Variants in TEX14 observed in about 807,000 individuals in gnomAD.
The protein encoded by TEX14 is inactive serine/threonine-protein kinase TEX14.
TEX14 carries 168 observed loss-of-function variants against 178.6 expected under a neutral mutation model. The observed-to-expected ratio is 0.94, with a 90% CI of 0.83 to 1.07. The LOEUF is 1.07. Ranked by LOEUF, TEX14 falls within the 50% of genes least tolerant of loss-of-function variation. The probability of loss-of-function intolerance (pLI) is 0.00; values close to 1 mark genes in which losing one functional copy is unlikely to be tolerated. For synonymous variants in TEX14, 626 were observed against 634.1 expected (o/e 0.99, Z 0.19); for missense variants, 1,730 against 1,753.6 (o/e 0.99, Z 0.24).
chr17:58,572,419 T>G (rs192239107), intron 23 of TEX14, among the ~76,000 whole-genome samples: 2 of 152,170 alleles, frequency 1.3e-5, no homozygotes, highest in South Asian at 2.1e-4. Flanking sequence ...GATCACGAGG[T>G]CAGGAGATCA....
chr17:58,689,271 G>C (rs963875214), intron 1 of TEX14, among the ~76,000 whole-genome samples: 2 of 151,154 alleles, frequency 1.3e-5, no homozygotes, highest in African/African-American at 2.4e-5. Context: ...TTCCAGGCTA[G>C]AGTGCAGTGG....
intron 2 of TEX14, among the ~76,000 whole-genome samples, chr17:58,642,751 A>G (rs1384651790): frequency 6.6e-6 from 1 of 151,996 alleles, no homozygotes; most frequent in Non-Finnish European, 1.5e-5. Context: ...TCCATTCTCT[A>G]GTCCTCCAAT....
chr17:58,579,620 T>G (rs745868788), intron 20 of TEX14, 45 bp downstream of exon 20: 2 of 1,516,616 alleles, frequency 1.3e-6, no homozygotes, highest in Non-Finnish European at 9.2e-7. Flanking sequence ...CAGAAGAAAT[T>G]TAAGGGAAGT....
chr17:58,677,119 CAAAAAA>C (rs35953337), intron 1 of TEX14, among the ~76,000 whole-genome samples: 37 of 78,624 alleles, frequency 4.7e-4, no homozygotes, highest in African/African-American at 1.7e-3. Context: ...AACTCCGTCT[CAAAAAA>C]AAAAAAAAAA....
In TEX14 at chr17:58,588,033, A is replaced by C; in HGVS notation, c.2577-12T>G. On this transcript the variant is annotated splice_polypyrimidine_tract_variant and intron_variant, in intron 15 of 31. Coordinates refer to ENST00000349033, the MANE Select transcript of TEX14 (RefSeq NM_031272.5). ...TAGGTCTTCCCTGGCTAAGAAATGA[A>C]AGGACTGAGCTATAAGATCTCTAAG... 1 of 941,116 alleles carries C rather than the reference A, an allele frequency of 1.1e-6. No individual in the cohort carries two copies. Among genetic ancestry groups the C allele is most frequent in the Non-Finnish European group, 1.8e-6 (1 of 566,510 alleles). The allele number at this position is 941,116 out of a possible 1,614,324, so 58.3% of individuals were successfully genotyped here.
In TEX14 at chr17:58,572,122, G is replaced by T. The variant is rs753716897; in HGVS notation, c.3516C>A (p.Ser1172=). The T allele has an allele frequency of 1.9e-6, 3 of 1,602,620 alleles. No individual in the cohort carries two copies. The Admixed American group carries it at 5.0e-5, about 27-fold the overall frequency. The part of the protein sequence containing the change: ...TSVSTPLSPG[S]VSSAASQYKD... ...TATACTGACTGGCAGCTGAAGAAAC[G>T]GACCCTGTTGGAGAAAAGCGGAAGG... The change falls in exon 24 of 32, where the codon TCC becomes TCA. Residue 1172 remains serine (S), a synonymous_variant. Coordinates refer to ENST00000349033, the MANE Select transcript of TEX14 (RefSeq NM_031272.5).
intron 15 of TEX14, among the ~76,000 whole-genome samples, chr17:58,592,973 AATAC>A (rs1413983539): frequency 6.6e-6 from 1 of 152,162 alleles, no homozygotes; most frequent in Non-Finnish European, 1.5e-5. Context: ...TGTGTGCATG[AATAC>A]ATATACATAT....
At chr17:58,640,379 C>T (rs2046545026) in intron 2 of TEX14, among the ~76,000 whole-genome samples, 1 of 151,722 alleles carries the variant, frequency 6.6e-6, no homozygotes, top group Non-Finnish European at 1.5e-5. Flanking sequence ...GAGATAAGTA[C>T]TATTAGTAAT....
intron 2 of TEX14, among the ~76,000 whole-genome samples, chr17:58,645,062 T>C (rs1194088503): frequency 1.3e-5 from 2 of 151,156 alleles, no homozygotes; most frequent in Non-Finnish European, 2.9e-5. Flanking sequence ...CTCAGCTCAC[T>C]GCAACCTCCG....
chr17:58,591,244 G>A (rs749154048), intron 15 of TEX14, among the ~76,000 whole-genome samples: 24 of 152,146 alleles, frequency 1.6e-4, no homozygotes, highest in East Asian at 1.9e-4. Flanking sequence ...CTGGCTGGGC[G>A]CGGTGGCTCA....
chr17:58,607,688 T>C (rs2045641914), intron 10 of TEX14, among the ~76,000 whole-genome samples: 2 of 152,202 alleles, frequency 1.3e-5, no homozygotes, highest in Admixed American at 1.3e-4. Flanking sequence ...CTGTGGTACC[T>C]TTCTCTCAAT....
intron 1 of TEX14, among the ~76,000 whole-genome samples, chr17:58,673,100 G>A (rs367918680): frequency 4.6e-5 from 7 of 151,936 alleles, no homozygotes; most frequent in Non-Finnish European, 7.4e-5. Flanking sequence ...CATGACAGTG[G>A]AGCCACTCCC....
At chr17:58,594,379 C>G (rs1384684615) in intron 14 of TEX14, among the ~76,000 whole-genome samples, 1 of 150,316 alleles carries the variant, frequency 6.7e-6, no homozygotes, top group Non-Finnish European at 1.5e-5. Context: ...TTGAGATGGC[C>G]TCACTCTGTT....
intron 19 of TEX14, 140 bp from the exon 20 acceptor site, chr17:58,579,871 G>T (rs985262885): frequency 7.4e-6 from 5 of 675,746 alleles, no homozygotes; most frequent in African/African-American, 7.2e-5. Flanking sequence ...GCACAAACTT[G>T]CTTCCTAGAC....
chr17:58,561,371 G>C, intron 29 of TEX14, 149 bp downstream of exon 29: 1 of 624,332 alleles, frequency 1.6e-6, no homozygotes, highest in Non-Finnish European at 2.9e-6. Context: ...GAGGAAGAGG[G>C]GCAAATATGA....
At chr17:58,557,899 G>A in intron 30 of TEX14, 49 bp from the exon 31 acceptor site, 1 of 1,459,086 alleles carries the variant, frequency 6.9e-7, no homozygotes. Flanking sequence ...TAATTTCTAG[G>A]TCAAAGGGTG....
intron 10 of TEX14, among the ~76,000 whole-genome samples, chr17:58,605,917 ATATC>A (rs2045596410): frequency 6.6e-6 from 1 of 152,152 alleles, no homozygotes; most frequent in Non-Finnish European, 1.5e-5. Context: ...ATCTGCTTTT[ATATC>A]ACTGTACTTC....
At chr17:58,568,746 A>C (rs1381857097) in intron 26 of TEX14, among the ~76,000 whole-genome samples, 1 of 128,906 alleles carries the variant, frequency 7.8e-6, no homozygotes, top group African/African-American at 2.7e-5. Flanking sequence ...GTTCTTAGGA[A>C]GGGGATTTAT....
intron 1 of TEX14, among the ~76,000 whole-genome samples, chr17:58,685,041 T>C (rs2047567440): frequency 6.6e-6 from 1 of 152,166 alleles, no homozygotes; most frequent in African/African-American, 2.4e-5. Context: ...AAGATTCAAA[T>C]GTAGATCTAA....
Sources: gnomAD v4.1 joint callset for allele counts (sites outside exome capture counted in the v4.1 genomes callset) on GRCh38, gnomAD v4.1.1 for gene constraint, MANE v1.5 for transcripts, NCBI Gene and HGNC (gene_info 2026-07-23, HGNC 2026-07-21) for gene names.